Variants in SLC2A11 observed in about 807,000 individuals in gnomAD.
The protein encoded by SLC2A11 is solute carrier family 2 member 11.
Under a neutral mutation model 52.1 loss-of-function variants are expected in SLC2A11, and 43 were observed. That is an observed-to-expected ratio of 0.82 (90% CI 0.65 to 1.06). SLC2A11 has a LOEUF of 1.06. Among genes scored for constraint, SLC2A11 ranks in the 50% least tolerant of loss-of-function variants. The pLI is 0.00. For synonymous variants in SLC2A11, 261 were observed against 277.6 expected (o/e 0.94, Z 0.59); for missense variants, 582 against 654.2 (o/e 0.89, Z 1.20).
rs780006209 is a variant in SLC2A11, at chr22:23,862,220, G to T, written c.129+18G>T. ...CGACCTTGGTATGTATCCTCTCTGG[G>T]TGGAGACTGTCCCTGTCTGAGTGGG... On this transcript the variant is annotated intron_variant, in intron 2 of 11. Coordinates refer to ENST00000316185, the MANE Select transcript of SLC2A11 (RefSeq NM_001024939.4). 2.5e-6 allele frequency: 4 copies of T among 1,610,416 alleles called. No homozygotes were observed. Among genetic ancestry groups the T allele is most frequent in the Non-Finnish European group, 3.4e-6 (4 of 1,176,708 alleles).
chr22:23,860,743 T>TG (rs2032023159), intron 1 of SLC2A11, among the ~76,000 whole-genome samples: 1 of 150,154 alleles, frequency 6.7e-6, no homozygotes, highest in Non-Finnish European at 1.5e-5. Flanking sequence ...TTTTTTTTTT[T>TG]TGAGACGGAG....
intron 6 of SLC2A11, 128 bp from the exon 7 acceptor site, chr22:23,882,331 C>G (rs2032841258): frequency 8.7e-6 from 7 of 800,276 alleles, no homozygotes; most frequent in Middle Eastern, 3.7e-4. Flanking sequence ...CACACACACA[C>G]AGACAGACTC....
chr22:23,857,949 A>C lies in SLC2A11; in HGVS notation c.-51A>C. ...TGCCGGCTCACCGCTTGCTAATGGC[A>C]GCCGGGGTCTCCCTGGGACAGCAAG... On this transcript the variant is annotated 5_prime_UTR_variant, in exon 1 of 12. Transcript: ENST00000316185. 1 of 1,593,628 alleles carries C rather than the reference A, an allele frequency of 6.3e-7. No individual in the cohort carries two copies. Among genetic ancestry groups the C allele is most frequent in the Non-Finnish European group, 8.5e-7 (1 of 1,171,636 alleles).
chr22:23,862,469 T>C lies in SLC2A11; in HGVS notation c.129+267T>C, dbSNP rs538082341. ...GTCAGCCTTGACTCTTCTCTTCATCTCTTGGACACTAAGTCCTTCCTAACT... is the reference window on the plus strand; with the variant it reads ...GTCAGCCTTGACTCTTCTCTTCATCCCTTGGACACTAAGTCCTTCCTAACT... On this transcript the variant is annotated intron_variant, in intron 2 of 11. Coordinates refer to ENST00000316185, the MANE Select transcript of SLC2A11 (RefSeq NM_001024939.4). The C allele has an allele frequency of 3.5e-3, 1,625 of 466,970 alleles. 12 individuals are homozygous for C. The highest frequency in any genetic ancestry group is 4.2e-3 in the Admixed American group (123 of 29,158). 28.9% of individuals were successfully genotyped at this position (466,970 alleles called of 1,614,324 possible).
chr22:23,884,980 A>G lies in SLC2A11; in HGVS notation c.*131A>G. The G allele has an allele frequency of 4.2e-6, 3 of 715,780 alleles. No individual in the cohort carries two copies. Among genetic ancestry groups the G allele is most frequent in the Non-Finnish European group, 4.6e-6 (2 of 434,858 alleles). 44.3% of individuals were successfully genotyped at this position (715,780 alleles called of 1,614,324 possible). On this transcript the variant is annotated 3_prime_UTR_variant, in exon 12 of 12. Coordinates refer to ENST00000316185, the MANE Select transcript of SLC2A11 (RefSeq NM_001024939.4). The surrounding 1 kb of genome is among the most constrained non-coding windows in gnomAD (Gnocchi z 4.3). Reference sequence around the variant, plus strand: ...TATTGAGCACCCTTTGTGTGCAGACATGGCTCCAGGTGCTTAGCAATCAAT... The same window carrying G: ...TATTGAGCACCCTTTGTGTGCAGACGTGGCTCCAGGTGCTTAGCAATCAAT...
chr22:23,857,979 C>T lies in SLC2A11; in HGVS notation c.-21C>T. The T allele has an allele frequency of 6.3e-7, 1 of 1,591,998 alleles. No individual in the cohort carries two copies. The highest frequency in any genetic ancestry group is 1.1e-5 in the South Asian group (1 of 87,418). On this transcript the variant is annotated 5_prime_UTR_variant, in exon 1 of 12. Coordinates refer to ENST00000316185, the MANE Select transcript of SLC2A11 (RefSeq NM_001024939.4). Reference sequence around the variant, plus strand: ...GGGTCTCCCTGGGACAGCAAGACCTCCGCTCAGGCCCCTCTTTCGAATGCT... The same window carrying T: ...GGGTCTCCCTGGGACAGCAAGACCTTCGCTCAGGCCCCTCTTTCGAATGCT...
intron 1 of SLC2A11, 125 bp from the exon 2 acceptor site, chr22:23,861,979 C>T: frequency 5.0e-6 from 4 of 805,622 alleles, no homozygotes; most frequent in South Asian, 3.0e-5. Flanking sequence ...TCACTTTCCT[C>T]ATCTGCAAAG....
chr22:23,878,725 A>G (rs2146136207), intron 6 of SLC2A11, among the ~76,000 whole-genome samples: 1 of 152,268 alleles, frequency 6.6e-6, no homozygotes, highest in South Asian at 2.1e-4. Flanking sequence ...GGCCGCAATT[A>G]TTACTTATGT....
rs750866851 is a variant in SLC2A11, at chr22:23,875,252, G to A, written c.415+11G>A. 2.0e-5 allele frequency: 28 copies of A among 1,416,224 alleles called. No individual in the cohort carries two copies. In the East Asian group the frequency reaches 7.3e-4, roughly 37 times the overall value. The allele number at this position is 1,416,224 out of a possible 1,614,324, so 87.7% of individuals were successfully genotyped here. ...TGGGAGTCAATGCAGGTATGGGGTGGGGGCTTCTCATCCTGCCTCTCTATG... is the reference window on the plus strand; with the variant it reads ...TGGGAGTCAATGCAGGTATGGGGTGAGGGCTTCTCATCCTGCCTCTCTATG... On this transcript the variant is annotated intron_variant, in intron 4 of 11. Transcript: ENST00000316185.
intron 1 of SLC2A11, 148 bp from the exon 2 acceptor site, chr22:23,861,956 T>C (rs1432971079): frequency 1.4e-6 from 1 of 713,852 alleles, no homozygotes; most frequent in South Asian, 1.6e-5. Flanking sequence ...CCCAGGTAAC[T>C]CCTCTCTGTG....
chr22:23,885,256 G>A lies in SLC2A11; in HGVS notation c.*407G>A, dbSNP rs1306091457. On this transcript the variant is annotated 3_prime_UTR_variant, in exon 12 of 12. Transcript: ENST00000316185. ...AACAGCTCTAGCTACTCAGGAGGCTGAGGCAGCAGGATCACTTGAGTCCAA... is the reference window on the plus strand; with the variant it reads ...AACAGCTCTAGCTACTCAGGAGGCTAAGGCAGCAGGATCACTTGAGTCCAA... 2 of 286,528 alleles carry A rather than the reference G, an allele frequency of 7.0e-6. No individual in the cohort carries two copies. Among genetic ancestry groups the A allele is most frequent in the Admixed American group, 9.8e-5 (2 of 20,382 alleles). 17.7% of individuals were successfully genotyped at this position (286,528 alleles called of 1,614,324 possible).
chr22:23,858,996 A>G (rs1346864757), intron 1 of SLC2A11, among the ~76,000 whole-genome samples: 3 of 152,366 alleles, frequency 2.0e-5, no homozygotes, highest in East Asian at 3.9e-4. Flanking sequence ...CTAATGTCTG[A>G]ATGCTTACCA....
At chr22:23,858,352 C>T (rs748065966) in intron 1 of SLC2A11, among the ~76,000 whole-genome samples, 1 of 152,214 alleles carries the variant, frequency 6.6e-6, no homozygotes, top group Admixed American at 6.5e-5. Flanking sequence ...TGCTCGCCCC[C>T]TCCCGAGACT....
intron 1 of SLC2A11, among the ~76,000 whole-genome samples, chr22:23,860,909 TA>T (rs1406282909): frequency 6.8e-6 from 1 of 147,112 alleles, no homozygotes; most frequent in Non-Finnish European, 1.5e-5. Context: ...GCAGTGGCGC[TA>T]TCTCGGCTCA....
In SLC2A11 at chr22:23,883,961, T is replaced by G; in HGVS notation, c.1108T>G (p.Trp370Gly). The G allele has an allele frequency of 6.2e-7, 1 of 1,613,200 alleles. No individual in the cohort carries two copies. The highest frequency in any genetic ancestry group is 1.1e-5 in the South Asian group (1 of 91,002). The change falls in exon 10 of 12, where the codon TGG (tryptophan) becomes GGG (glycine). Residue 370 changes from tryptophan to glycine, a missense_variant. Transcript: ENST00000316185. ...VALCLQSSFPWTLYLAMACIF... is the reference protein window; with the variant it reads ...VALCLQSSFPGTLYLAMACIF... ...CCGTCCACGGCAGAGCTCCTTCCCC[T>G]GGACACTCTACCTGGCCATGGCCTG...
rs758849121 is a variant in SLC2A11 at position 23,884,812 on chromosome 22, G to A, written c.1463G>A (p.Trp488Ter). 78 of 1,614,032 alleles carry A rather than the reference G, an allele frequency of 4.8e-5. No individual in the cohort carries two copies. Among genetic ancestry groups the A allele is most frequent in the Admixed American group, 1.0e-4 (6 of 60,000 alleles). ...NFPRRAQGPT[W>*]RSLEVIQSTE... ...CCCAGGCGGGCCCAGGGCCCCACGT[G>A]GAGGAGCCTGGAGGTTATCCAGTCA... The change falls in exon 12 of 12, where the codon TGG (tryptophan) becomes TAG (stop). Residue 488 changes from tryptophan (W) to a stop codon, truncating the protein, a stop_gained. Coordinates refer to ENST00000316185, the MANE Select transcript of SLC2A11 (RefSeq NM_001024939.4). LOFTEE classifies it high-confidence loss of function. This position sits in a 1 kb window ranked among gnomAD's most constrained non-coding sequence, Gnocchi z 4.3.
intron 5 of SLC2A11, chr22:23,877,520 A>G (rs753809313): frequency 1.3e-6 from 1 of 787,308 alleles, no homozygotes; most frequent in African/African-American, 1.7e-5. Context: ...GTTGCTAGGG[A>G]TGAGGTGGGG....
intron 2 of SLC2A11, 166 bp downstream of exon 2, chr22:23,862,368 A>G (rs1208260471): frequency 1.6e-6 from 1 of 615,142 alleles, no homozygotes; most frequent in African/African-American, 1.8e-5. Context: ...CTGAGCATAC[A>G]TCTTCCCCAA....
At chr22:23,867,879 C>A in intron 2 of SLC2A11, 2 of 390,712 alleles carry the variant, frequency 5.1e-6, no homozygotes, top group South Asian at 1.9e-5. Context: ...GAGTTGTATC[C>A]TTCATAACAA....
Sources: gnomAD v4.1 joint callset for allele counts (sites outside exome capture counted in the v4.1 genomes callset) on GRCh38, gnomAD v4.1.1 for gene constraint, Gnocchi (gnomAD v3.1) non-coding constraint, MANE v1.5 for transcripts, NCBI Gene and HGNC (gene_info 2026-07-23, HGNC 2026-07-21) for gene names.